ZDHHC15: variants seen among roughly 807,000 people sequenced by gnomAD.
The protein encoded by ZDHHC15 is zDHHC palmitoyltransferase 15, also known as palmitoyltransferase ZDHHC15.
In ZDHHC15, 19 loss-of-function variants were observed where a neutral mutation model predicts 31.7. That is an observed-to-expected ratio of 0.60 (90% CI 0.42 to 0.88). The LOEUF is 0.88. ZDHHC15 is among the 40% of genes least tolerant of loss of function. The probability of loss-of-function intolerance (pLI) is 0.00; values close to 1 mark genes in which losing one functional copy is unlikely to be tolerated. For synonymous variants in ZDHHC15, 103 were observed against 90.0 expected, an observed-to-expected ratio of 1.14 and a Z score of -0.82; for missense variants, 209 against 251.2, an observed-to-expected ratio of 0.83 and a Z score of 1.14.
intron 3 of ZDHHC15, among the ~76,000 whole-genome samples, chrX:75,454,087 G>C (rs1164026090): frequency 1.8e-5 from 2 of 111,633 alleles, no homozygotes; most frequent in Non-Finnish European, 3.8e-5. Context: ...TAGGAAAAGA[G>C]GAAGTCAAAT....
At chrX:75,391,183 C>CA (rs768115619) in intron 10 of ZDHHC15, among the ~76,000 whole-genome samples, 2 of 109,922 alleles carry the variant, frequency 1.8e-5, no homozygotes, top group African/African-American at 6.6e-5. Flanking sequence ...AGAGAAGAGA[C>CA]AAAAAAAGGA....
At chrX:75,420,144 G>T (rs2083605820) in intron 9 of ZDHHC15, among the ~76,000 whole-genome samples, 1 of 110,812 alleles carries the variant, frequency 9.0e-6, no homozygotes, top group Non-Finnish European at 1.9e-5. Flanking sequence ...AGTGGGCAAA[G>T]GATATGAACA....
chrX:75,426,525 G>A (rs903644608), intron 7 of ZDHHC15, among the ~76,000 whole-genome samples: 1 of 110,230 alleles, frequency 9.1e-6, no homozygotes, highest in African/African-American at 3.3e-5. Context: ...ATCACTCAAA[G>A]TAATAGCCAT....
chrX:75,502,330 C>T (rs1348950769), intron 2 of ZDHHC15: 1 of 111,340 alleles, frequency 9.0e-6, no homozygotes, highest in Non-Finnish European at 1.9e-5. Context: ...ACTTAACTAC[C>T]TCTTTAAAGA....
chrX:75,434,435 A>G (rs975175175), intron 4 of ZDHHC15, among the ~76,000 whole-genome samples: 1 of 111,577 alleles, frequency 9.0e-6, no homozygotes, highest in African/African-American at 3.3e-5. Context: ...AAGTTTTTCC[A>G]ATGTTATCTT....
chrX:75,514,894 T>C (rs936440037), intron 1 of ZDHHC15, among the ~76,000 whole-genome samples: 4 of 111,180 alleles, frequency 3.6e-5, no homozygotes, highest in Non-Finnish European at 7.5e-5. Context: ...AAAGGGGATA[T>C]CACCACTGAT....
intron 10 of ZDHHC15, among the ~76,000 whole-genome samples, chrX:75,403,658 A>C (rs2083381695): frequency 8.9e-6 from 1 of 112,075 alleles, no homozygotes; most frequent in South Asian, 3.7e-4. Context: ...ATATTTAGAA[A>C]TACAGCTAAC....
intron 10 of ZDHHC15, among the ~76,000 whole-genome samples, chrX:75,408,124 G>A (rs1025865952): frequency 9.1e-6 from 1 of 109,988 alleles, no homozygotes; most frequent in African/African-American, 3.3e-5. Context: ...TTGTTCACAT[G>A]TTTATCTGCT....
chrX:75,439,189 A>T (rs1041690379), intron 4 of ZDHHC15, among the ~76,000 whole-genome samples: 60 of 111,406 alleles, frequency 5.4e-4, no homozygotes, highest in African/African-American at 1.9e-3. Flanking sequence ...CTGTATTTGG[A>T]TGTCTATATC....
intron 1 of ZDHHC15, among the ~76,000 whole-genome samples, chrX:75,520,504 T>A (rs1407347971): frequency 8.9e-6 from 1 of 111,769 alleles, no homozygotes; most frequent in Non-Finnish European, 1.9e-5. Flanking sequence ...TGTTAGTCAT[T>A]ATCATCATTA....
intron 3 of ZDHHC15, among the ~76,000 whole-genome samples, chrX:75,458,534 A>T (rs2084260621): frequency 1.8e-5 from 2 of 111,921 alleles, no homozygotes; most frequent in African/African-American, 3.2e-5. Context: ...TAACTTAAAA[A>T]ATTGAAAACA....
chrX:75,433,473 C>A (rs983431043), intron 4 of ZDHHC15, among the ~76,000 whole-genome samples: 1 of 109,657 alleles, frequency 9.1e-6, no homozygotes, highest in Admixed American at 9.9e-5. Context: ...CTATATCATT[C>A]TTAGGCTTTT....
intron 10 of ZDHHC15, among the ~76,000 whole-genome samples, chrX:75,399,525 C>T (rs2083333483): frequency 9.0e-6 from 1 of 111,540 alleles, no homozygotes; most frequent in Non-Finnish European, 1.9e-5. Context: ...CAATTGCTGA[C>T]CTGTATCTCT....
At chrX:75,509,665 C>G (rs2085228932) in intron 1 of ZDHHC15, among the ~76,000 whole-genome samples, 1 of 112,073 alleles carries the variant, frequency 8.9e-6, no homozygotes, top group Non-Finnish European at 1.9e-5. Flanking sequence ...TAATTAATCA[C>G]TGTGTGCCTC....
intron 3 of ZDHHC15, among the ~76,000 whole-genome samples, chrX:75,463,785 G>C (rs748922808): frequency 9.0e-6 from 1 of 111,497 alleles, no homozygotes; most frequent in East Asian, 2.8e-4. Context: ...TAAAAAGTCA[G>C]GAAACAACAG....
intron 4 of ZDHHC15, among the ~76,000 whole-genome samples, chrX:75,449,631 T>C (rs2084087397): frequency 8.9e-6 from 1 of 112,324 alleles, no homozygotes. Flanking sequence ...CAGCAAGTCC[T>C]TAATATCATA....
chrX:75,488,457 C>G (rs377692980), intron 2 of ZDHHC15, among the ~76,000 whole-genome samples: 3 of 111,972 alleles, frequency 2.7e-5, no homozygotes, highest in East Asian at 2.8e-4. Flanking sequence ...GGCTTTTTCA[C>G]AAAAACAAAT....
intron 1 of ZDHHC15, among the ~76,000 whole-genome samples, chrX:75,508,876 T>C (rs1285447984): frequency 1.8e-5 from 2 of 111,522 alleles, no homozygotes; most frequent in Non-Finnish European, 3.8e-5. Flanking sequence ...GTGGTTTTGA[T>C]TTGCATTTCT....
At chrX:75,437,733 G>A (rs1346454638) in intron 4 of ZDHHC15, among the ~76,000 whole-genome samples, 1 of 108,321 alleles carries the variant, frequency 9.2e-6, no homozygotes, top group Admixed American at 1.0e-4. Flanking sequence ...TGTGAATAAT[G>A]CCACAATAAA....
Sources: allele counts gnomAD v4.1 joint callset (sites outside exome capture counted in the v4.1 genomes callset), GRCh38; gene constraint gnomAD v4.1.1; transcripts MANE v1.5; gene names NCBI Gene and HGNC (gene_info 2026-07-23, HGNC 2026-07-21).